The following GABBR2 variants were observed in gnomAD, a reference collection of about 807,000 sequenced individuals.
The protein encoded by GABBR2 is G-protein coupled receptor 51.
GABBR2 carries 23 observed loss-of-function variants against 105.6 expected under a neutral mutation model. The observed-to-expected ratio is 0.22, with a 90% CI of 0.16 to 0.31. The LOEUF is 0.31. Ranked by LOEUF, GABBR2 falls within the 10% of genes least tolerant of loss-of-function variation. The pLI is 1.00. For missense variants in GABBR2, 734 were observed against 1,245.5 expected (o/e 0.59, Z 6.18); for synonymous variants, 478 against 499.7 (o/e 0.96, Z 0.58).
intron 11 of GABBR2, among the ~76,000 whole-genome samples, chr9:98,382,408 G>A (rs1338900232): frequency 5.9e-5 from 9 of 152,098 alleles, no homozygotes; most frequent in Non-Finnish European, 1.3e-4. Context: ...CCGCCTCCCA[G>A]GTTCACGCCA....
intron 7 of GABBR2, among the ~76,000 whole-genome samples, chr9:98,417,308 G>C (rs1832706940): frequency 6.6e-6 from 1 of 152,242 alleles, no homozygotes; most frequent in Non-Finnish European, 1.5e-5. Flanking sequence ...AGAGGACTGA[G>C]AGACATGCAG....
intron 1 of GABBR2, among the ~76,000 whole-genome samples, chr9:98,629,352 T>C (rs1333953288): frequency 6.6e-6 from 1 of 152,252 alleles, no homozygotes; most frequent in Admixed American, 6.5e-5. Flanking sequence ...CTTCTCCTTA[T>C]TTATACCTAA....
Position 98,516,763 on chromosome 9 carries a change from A to G in GABBR2, c.631-20249T>C, listed in dbSNP as rs534522082. Among the ~76,000 whole-genome samples, 11 of 152,252 alleles carry G rather than the reference A, an allele frequency of 7.2e-5. No homozygotes were observed. The South Asian group carries it at 2.3e-3, about 32-fold the overall frequency. The stretch of plus-strand genomic sequence containing the variant: ...CACAGAGCAGTTGCCTGGTAGCGCT[A>G]AACAGACCTGGAAATCTCCCCGATA... On this transcript the variant is annotated intron_variant, in intron 3 of 18. Transcript: ENST00000259455.
At chr9:98,579,100 T>G (rs1352347886) in intron 1 of GABBR2, among the ~76,000 whole-genome samples, 1 of 152,144 alleles carries the variant, frequency 6.6e-6, no homozygotes, top group Non-Finnish European at 1.5e-5. Flanking sequence ...TAAAAATGGT[T>G]AAAATGGCAA....
intron 11 of GABBR2, among the ~76,000 whole-genome samples, chr9:98,377,933 T>A (rs969338327): frequency 6.6e-6 from 1 of 152,168 alleles, no homozygotes; most frequent in Admixed American, 6.5e-5. Flanking sequence ...TGTGGGTATC[T>A]CCTAGCCCAG....
chr9:98,400,625 G>A (rs1361954858), intron 8 of GABBR2, among the ~76,000 whole-genome samples: 3 of 152,208 alleles, frequency 2.0e-5, no homozygotes, highest in Non-Finnish European at 2.9e-5. Context: ...CTGGGTGTCC[G>A]TCCCAGGGGC....
chr9:98,457,118 T>G (rs923230449), intron 6 of GABBR2, among the ~76,000 whole-genome samples: 3 of 152,264 alleles, frequency 2.0e-5, no homozygotes, highest in Non-Finnish European at 4.4e-5. Context: ...CTTTAATTAA[T>G]TGCGTTAAGC....
At chr9:98,667,608 G>A (rs192242181) in intron 1 of GABBR2, among the ~76,000 whole-genome samples, 8 of 152,230 alleles carry the variant, frequency 5.3e-5, no homozygotes, top group Admixed American at 2.6e-4. Context: ...GGCTCCCTGC[G>A]GCATCAGCTG....
chr9:98,614,614 T>C (rs916826637), intron 1 of GABBR2, among the ~76,000 whole-genome samples: 3 of 152,230 alleles, frequency 2.0e-5, no homozygotes, highest in Non-Finnish European at 4.4e-5. Flanking sequence ...TATAGTATGA[T>C]GTCTACATAA....
At position 98,478,809 on chromosome 9, in the gene GABBR2, C is replaced by A. The variant is rs1325655916; in HGVS notation, c.798+2123G>T. On this transcript the variant is annotated intron_variant, in intron 5 of 18. Coordinates refer to ENST00000259455, the MANE Select transcript of GABBR2 (RefSeq NM_005458.8). ...TATGTTTCTTGCAAACTGGAGGTGG[C>A]CAGGGTCTGGTGTGGCATCTTCATA... Among the ~76,000 whole-genome samples the A allele has an allele frequency of 5.9e-5, 9 of 152,098 alleles. No homozygotes were observed. In the East Asian group the frequency reaches 1.5e-3, roughly 26 times the overall value.
At chr9:98,589,011 T>C (rs888781599) in intron 1 of GABBR2, among the ~76,000 whole-genome samples, 7 of 152,332 alleles carry the variant, frequency 4.6e-5, no homozygotes, top group African/African-American at 1.7e-4. Flanking sequence ...GCTGACAGCC[T>C]CCAGGTGTGG....
intron 7 of GABBR2, among the ~76,000 whole-genome samples, chr9:98,444,743 T>C (rs1826092328): frequency 6.6e-6 from 1 of 152,206 alleles, no homozygotes; most frequent in Non-Finnish European, 1.5e-5. Context: ...CCCTGGGATT[T>C]GAGCCCCAGA....
chr9:98,616,508 C>T (rs547605370), intron 1 of GABBR2, among the ~76,000 whole-genome samples: 2 of 152,318 alleles, frequency 1.3e-5, no homozygotes, highest in East Asian at 1.9e-4. Flanking sequence ...AATCCCAACA[C>T]TTTGGGAGGC....
chr9:98,303,794 A>G (rs1268569460), intron 15 of GABBR2, among the ~76,000 whole-genome samples: 5 of 152,272 alleles, frequency 3.3e-5, no homozygotes, highest in African/African-American at 1.2e-4. Flanking sequence ...AGTTGTGACA[A>G]CAAAGAGACA....
intron 7 of GABBR2, among the ~76,000 whole-genome samples, chr9:98,418,018 G>C (rs567168611): frequency 1.3e-5 from 2 of 152,262 alleles, no homozygotes; most frequent in East Asian, 3.9e-4. Context: ...GCTGGTGGGA[G>C]GCAGAGAATG....
At chr9:98,338,744 C>T (rs1028641922) in intron 13 of GABBR2, among the ~76,000 whole-genome samples, 1 of 152,140 alleles carries the variant, frequency 6.6e-6, no homozygotes, top group East Asian at 1.9e-4. Context: ...CATGAGTTAA[C>T]ATGGTTACCA....
intron 6 of GABBR2, among the ~76,000 whole-genome samples, chr9:98,470,006 G>A (rs544967561): frequency 6.6e-6 from 1 of 152,186 alleles, no homozygotes; most frequent in Non-Finnish European, 1.5e-5. Context: ...ACTTCTGAAG[G>A]CTGTTCGGAG....
At chr9:98,552,559 T>C (rs969250214) in intron 2 of GABBR2, among the ~76,000 whole-genome samples, 10 of 152,142 alleles carry the variant, frequency 6.6e-5, no homozygotes, top group African/African-American at 2.4e-4. Context: ...GAAAAACTGT[T>C]TGGACAAAAA....
intron 6 of GABBR2, among the ~76,000 whole-genome samples, chr9:98,472,130 G>C (rs898328145): frequency 1.3e-5 from 2 of 152,072 alleles, no homozygotes; most frequent in East Asian, 3.9e-4. Context: ...AATTTGGTCT[G>C]TAAGAACCCT....
Sources: allele counts gnomAD v4.1 joint callset (sites outside exome capture counted in the v4.1 genomes callset), GRCh38; gene constraint gnomAD v4.1.1; transcripts MANE v1.5; gene names NCBI Gene and HGNC (gene_info 2026-07-23, HGNC 2026-07-21).